The following PDE1C variants were observed in gnomAD, a reference collection of about 807,000 sequenced individuals.
PDE1C encodes the protein phosphodiesterase 1C, also known as dual specificity calcium/calmodulin-dependent 3',5'-cyclic nucleotide phosphodiesterase 1C.
In PDE1C, 62 loss-of-function variants were observed where a neutral mutation model predicts 93.1. The observed-to-expected ratio is 0.67, with a 90% CI of 0.54 to 0.82. The LOEUF is 0.82. PDE1C is among the 40% of genes least tolerant of loss of function. PDE1C has a pLI of 0.00. For synonymous variants in PDE1C, 325 were observed against 310.1 expected (o/e 1.05, Z -0.50); for missense variants, 742 against 884.6 (o/e 0.84, Z 2.04).
chr7:31,741,689 T>C, the PDE1C span, among the ~76,000 whole-genome samples: 2 of 152,242 alleles, frequency 1.3e-5, no homozygotes, highest in Non-Finnish European at 2.9e-5. Context: ...TGTCTTCCTT[T>C]TAGGCAGTTA....
chr7:31,850,282 T>C (rs78424358), intron 8 of PDE1C, among the ~76,000 whole-genome samples: 1 of 152,310 alleles, frequency 6.6e-6, no homozygotes, highest in Non-Finnish European at 1.5e-5. Flanking sequence ...TAATCCTCAC[T>C]GTCCTTATTC....
At chr7:32,169,802 C>A (rs201065902) in exon 3 of PDE1C, 99 of 1,612,416 alleles carry the variant, frequency 6.1e-5, no homozygotes, top group Non-Finnish European at 2.9e-5. Flanking sequence ...ATGTCTTCAC[C>A]AAGACTTCTG....
chr7:32,149,292 C>T (rs1422275070), intron 3 of PDE1C, among the ~76,000 whole-genome samples: 1 of 152,162 alleles, frequency 6.6e-6, no homozygotes, highest in African/African-American at 2.4e-5. Context: ...AAAACGATTA[C>T]AGTTAACACC....
At chr7:31,626,809 A>G in the PDE1C span, among the ~76,000 whole-genome samples, 1 of 152,186 alleles carries the variant, frequency 6.6e-6, no homozygotes, top group African/African-American at 2.4e-5. Context: ...GAAAGAGCAG[A>G]GGCACAGTCT....
the PDE1C span, among the ~76,000 whole-genome samples, chr7:31,678,648 T>G: frequency 6.6e-6 from 1 of 152,182 alleles, no homozygotes; most frequent in Non-Finnish European, 1.5e-5. Context: ...CACAATTCTG[T>G]AGGACAGTTA....
At chr7:32,175,895 T>C (rs1802953734) in intron 2 of PDE1C, among the ~76,000 whole-genome samples, 1 of 152,212 alleles carries the variant, frequency 6.6e-6, no homozygotes, top group Non-Finnish European at 1.5e-5. Flanking sequence ...TCCCATGGAA[T>C]GCAATTAATT....
chr7:31,717,524 C>T, the PDE1C span, among the ~76,000 whole-genome samples: 2 of 151,982 alleles, frequency 1.3e-5, no homozygotes, highest in African/African-American at 4.8e-5. Flanking sequence ...ACAGAGAATC[C>T]AGAAAGTAAG....
intron 2 of PDE1C, among the ~76,000 whole-genome samples, chr7:31,990,353 C>T (rs1317017473): frequency 6.6e-6 from 1 of 152,172 alleles, no homozygotes; most frequent in African/African-American, 2.4e-5. Flanking sequence ...CCATGTAAGA[C>T]ATGACTTCGC....
chr7:31,821,461 T>G (rs3801353), intron 14 of PDE1C, among the ~76,000 whole-genome samples: 1 of 152,128 alleles, frequency 6.6e-6, no homozygotes, highest in East Asian at 1.9e-4. Flanking sequence ...TGTCAGAAAT[T>G]GAATTTTCAA....
At chr7:31,932,938 C>A (rs1329168944) in intron 2 of PDE1C, among the ~76,000 whole-genome samples, 4 of 151,984 alleles carry the variant, frequency 2.6e-5, no homozygotes, top group Admixed American at 6.6e-5. Flanking sequence ...AACTGGAAAC[C>A]ATCTTTCTCA....
chr7:31,686,253 C>T, the PDE1C span, among the ~76,000 whole-genome samples: 1 of 152,168 alleles, frequency 6.6e-6, no homozygotes, highest in Non-Finnish European at 1.5e-5. Flanking sequence ...GACTGGCCTT[C>T]CTGCTTTGGA....
chr7:32,374,160 GAGAAAGAAAGAA>G (rs764590020), intron 1 of PDE1C, among the ~76,000 whole-genome samples: 8,603 of 38,766 alleles, frequency 0.22, 388 homozygotes, highest in South Asian at 0.29. Flanking sequence ...AAGAAAGAAA[GAGAAAGAAAGAA>G]AGAAAGAAAG....
intron 2 of PDE1C, among the ~76,000 whole-genome samples, chr7:31,912,556 G>A (rs2128941003): frequency 6.6e-6 from 1 of 152,158 alleles, no homozygotes; most frequent in South Asian, 2.1e-4. Context: ...GTGTGGTGGT[G>A]CACAGCTGTA....
chr7:32,358,530 G>T (rs1047485334), intron 1 of PDE1C, among the ~76,000 whole-genome samples: 12 of 152,152 alleles, frequency 7.9e-5, no homozygotes, highest in African/African-American at 2.9e-4. Context: ...AAAGAGACTA[G>T]ACAGCGGGCA....
At chr7:32,353,771 A>C (rs1783978084) in intron 1 of PDE1C, among the ~76,000 whole-genome samples, 2 of 152,310 alleles carry the variant, frequency 1.3e-5, no homozygotes, top group South Asian at 4.1e-4. Flanking sequence ...GAAATGATAT[A>C]GAAGAAGGTA....
chr7:32,296,955 G>A (rs1240405421), intron 1 of PDE1C, among the ~76,000 whole-genome samples: 1 of 152,158 alleles, frequency 6.6e-6, no homozygotes, highest in Non-Finnish European at 1.5e-5. Flanking sequence ...CTGATTCAAG[G>A]CAGGGTGTGA....
At chr7:31,923,519 A>T (rs1157678305) in intron 2 of PDE1C, among the ~76,000 whole-genome samples, 1 of 152,208 alleles carries the variant, frequency 6.6e-6, no homozygotes, top group Non-Finnish European at 1.5e-5. Context: ...TGATTCTCTT[A>T]TGAGTAACAT....
chr7:31,759,686 C>T (rs1794706567), intron 17 of PDE1C, among the ~76,000 whole-genome samples: 1 of 152,188 alleles, frequency 6.6e-6, no homozygotes, highest in East Asian at 1.9e-4. Flanking sequence ...AAAATTGATA[C>T]ATCACCGTCC....
At position 31,890,384 on chromosome 7, in the gene PDE1C, C is replaced by A. The variant is rs1217954482; in HGVS notation, c.129-9524G>T. On this transcript the variant is annotated intron_variant, in intron 2 of 17. Coordinates refer to ENST00000396191, the MANE Select transcript of PDE1C (RefSeq NM_001191057.4). Reference sequence around the variant, plus strand: ...GAACTAAAAACATCTTTGAATGGCACTAATGAGAACAGGAAGCTGAGCAGA... The same window carrying A: ...GAACTAAAAACATCTTTGAATGGCAATAATGAGAACAGGAAGCTGAGCAGA... Among the ~76,000 whole-genome samples the A allele has an allele frequency of 2.6e-5, 4 of 152,320 alleles. No homozygotes were observed. The East Asian group carries it at 5.8e-4, about 22-fold the overall frequency.
Sources: allele counts gnomAD v4.1 joint callset (sites outside exome capture counted in the v4.1 genomes callset), GRCh38; gene constraint gnomAD v4.1.1; transcripts MANE v1.5; gene names NCBI Gene and HGNC (gene_info 2026-07-23, HGNC 2026-07-21).